Variants in DIAPH2 observed in about 807,000 individuals in gnomAD.
DIAPH2 encodes diaphanous related formin 2, also known as protein diaphanous homolog 2.
Under a neutral mutation model 92.7 loss-of-function variants are expected in DIAPH2, and 35 were observed. The ratio of observed to expected loss-of-function variants is 0.38; its 90% CI spans 0.29 to 0.50. DIAPH2 has a LOEUF of 0.50. Among genes scored for constraint, DIAPH2 ranks in the 20% least tolerant of loss-of-function variants. The pLI is 0.94. For missense variants in DIAPH2, 701 were observed against 819.5 expected (o/e 0.86, Z 1.77); for synonymous variants, 301 against 280.4 (o/e 1.07, Z -0.73).
At chrX:97,571,773 G>A (rs2071371798) in intron 26 of DIAPH2, among the ~76,000 whole-genome samples, 1 of 111,575 alleles carries the variant, frequency 9.0e-6, no homozygotes, top group African/African-American at 3.3e-5. Context: ...AAAATGGATT[G>A]AGTTGAACCA....
At chrX:97,404,965 A>G (rs1055068994) in intron 25 of DIAPH2, among the ~76,000 whole-genome samples, 21 of 112,371 alleles carry the variant, frequency 1.9e-4, no homozygotes, top group African/African-American at 6.8e-4. Flanking sequence ...CGATAGAAAA[A>G]AATAAATTTG....
At chrX:96,887,267 T>C (rs1444785118) in intron 5 of DIAPH2, among the ~76,000 whole-genome samples, 1 of 111,918 alleles carries the variant, frequency 8.9e-6, no homozygotes, top group African/African-American at 3.2e-5. Flanking sequence ...AGCAGATTTT[T>C]AAAGTTCATT....
intron 26 of DIAPH2, chrX:97,555,324 G>T: frequency 3.4e-6 from 1 of 290,103 alleles, no homozygotes; most frequent in Non-Finnish European, 4.7e-6. Context: ...ATACCCACTG[G>T]CTGCAAACTA....
chrX:97,285,344 C>T (rs2068531824), intron 23 of DIAPH2, among the ~76,000 whole-genome samples: 1 of 95,950 alleles, frequency 1.0e-5, no homozygotes, highest in African/African-American at 3.9e-5. Context: ...TCAAGACCAG[C>T]CTGACCAACA....
At chrX:97,057,513 G>T (rs2066565522) in intron 17 of DIAPH2, among the ~76,000 whole-genome samples, 1 of 111,597 alleles carries the variant, frequency 9.0e-6, no homozygotes, top group Admixed American at 9.5e-5. Context: ...TCTGTACTTG[G>T]TGTGCAGGGA....
chrX:97,551,636 TTAAA>T (rs2071220730), intron 26 of DIAPH2, among the ~76,000 whole-genome samples: 1 of 110,281 alleles, frequency 9.1e-6, no homozygotes, highest in Non-Finnish European at 1.9e-5. Flanking sequence ...AAAATTAAAA[TTAAA>T]TAAAATTTGC....
Position 96,846,046 on chromosome X carries a change from C to T in DIAPH2, c.448-35533C>T, listed in dbSNP as rs1007024917. On this transcript the variant is annotated intron_variant, in intron 4 of 26. Transcript: ENST00000324765. ...AACTCCTGACCTCAGGTGATCCACC[C>T]GTCTCGGCCTCCCAACCAAAGTGTT... Among the ~76,000 whole-genome samples, 7 of 111,031 alleles carry T rather than the reference C, an allele frequency of 6.3e-5. No homozygotes were observed. In the South Asian group the frequency reaches 1.9e-3, roughly 30 times the overall value.
At chrX:96,708,425 A>G (rs1188779587) in intron 1 of DIAPH2, among the ~76,000 whole-genome samples, 2 of 109,855 alleles carry the variant, frequency 1.8e-5, no homozygotes, top group Non-Finnish European at 3.8e-5. Context: ...TATTTTTAGT[A>G]GAGATAGGGT....
chrX:96,800,648 A>T (rs1350332239), intron 4 of DIAPH2, among the ~76,000 whole-genome samples: 1 of 111,779 alleles, frequency 8.9e-6, no homozygotes, highest in African/African-American at 3.2e-5. Flanking sequence ...ATCTTTCTCT[A>T]CCTCTCTATC....
At chrX:97,274,006 GGTGTGTGTGTGTGTGTGTGTGT>G (rs55778849) in intron 23 of DIAPH2, among the ~76,000 whole-genome samples, 8 of 86,731 alleles carry the variant, frequency 9.2e-5, no homozygotes, top group Non-Finnish European at 6.7e-5. Flanking sequence ...TAAAACTAGC[GGTGTGTGTGTGTGTGTGTGTGT>G]GTGTGTGTGT....
At chrX:97,216,729 AC>A (rs2067886761) in intron 22 of DIAPH2, among the ~76,000 whole-genome samples, 1 of 111,921 alleles carries the variant, frequency 8.9e-6, no homozygotes, top group Non-Finnish European at 1.9e-5. Flanking sequence ...GGTAAAATAT[AC>A]CCATCCATTA....
chrX:97,339,458 C>T (rs748650565), intron 23 of DIAPH2, among the ~76,000 whole-genome samples: 1 of 110,211 alleles, frequency 9.1e-6, no homozygotes, highest in East Asian at 2.8e-4. Context: ...GAGGTTGCAG[C>T]GAGCCGAGAT....
chrX:97,296,221 A>G (rs1378117586), intron 23 of DIAPH2, among the ~76,000 whole-genome samples: 1 of 111,383 alleles, frequency 9.0e-6, no homozygotes, highest in Non-Finnish European at 1.9e-5. Flanking sequence ...GGCTAGGTGT[A>G]TTTAGCTGTC....
intron 5 of DIAPH2, among the ~76,000 whole-genome samples, chrX:96,908,941 C>T (rs911103788): frequency 1.8e-5 from 2 of 111,548 alleles, no homozygotes; most frequent in African/African-American, 6.5e-5. Context: ...ACTGGGAGGG[C>T]ACAGTATGGT....
At chrX:96,723,916 A>ATTTTTT (rs149595440) in intron 1 of DIAPH2, among the ~76,000 whole-genome samples, 27 of 71,263 alleles carry the variant, frequency 3.8e-4, no homozygotes, top group East Asian at 2.0e-3. Context: ...TGATTCTATA[A>ATTTTTT]TTTTTTTTTT....
intron 4 of DIAPH2, among the ~76,000 whole-genome samples, chrX:96,790,079 T>TG (rs2064488482): frequency 6.4e-5 from 7 of 109,517 alleles, no homozygotes; most frequent in African/African-American, 2.3e-4. Flanking sequence ...TTTTGTTTTT[T>TG]TTTTTTTGAG....
chrX:97,464,425 C>T (rs2070491863), intron 26 of DIAPH2, among the ~76,000 whole-genome samples: 1 of 109,896 alleles, frequency 9.1e-6, no homozygotes, highest in African/African-American at 3.3e-5. Flanking sequence ...TGCAGTGAGC[C>T]CAGATCGCGC....
intron 10 of DIAPH2, among the ~76,000 whole-genome samples, chrX:96,933,525 T>G (rs898116196): frequency 9.5e-6 from 1 of 105,417 alleles, no homozygotes; most frequent in Admixed American, 1.0e-4. Context: ...TATATATATG[T>G]GTGTGTATAT....
chrX:97,166,704 G>C (rs960896050), intron 22 of DIAPH2, among the ~76,000 whole-genome samples: 3 of 111,463 alleles, frequency 2.7e-5, no homozygotes, highest in African/African-American at 9.8e-5. Flanking sequence ...ATAAAGAATA[G>C]TGATAATTTA....
Sources: gnomAD v4.1 joint callset for allele counts (sites outside exome capture counted in the v4.1 genomes callset) on GRCh38, gnomAD v4.1.1 for gene constraint, MANE v1.5 for transcripts, NCBI Gene and HGNC (gene_info 2026-07-23, HGNC 2026-07-21) for gene names.